Variants in BMPR1A observed in about 807,000 individuals in gnomAD.
The protein encoded by BMPR1A is bone morphogenetic protein receptor type-1A.
Under a neutral mutation model 66.0 loss-of-function variants are expected in BMPR1A, and 7 were observed. The ratio of observed to expected loss-of-function variants is 0.11; its 90% confidence interval spans 0.06 to 0.20. The LOEUF is 0.20. Ranked by LOEUF, BMPR1A falls within the 10% of genes least tolerant of loss-of-function variation. The pLI, the probability that BMPR1A is intolerant of heterozygous loss-of-function variation, is 1.00. For synonymous variants in BMPR1A, 200 were observed against 229.7 expected (o/e 0.87, Z 1.17); for missense variants, 408 against 669.1 (o/e 0.61, Z 4.31).
intron 1 of BMPR1A, among the ~76,000 whole-genome samples, chr10:86,791,369 T>C (rs753846467): frequency 2.0e-5 from 3 of 152,054 alleles, no homozygotes; most frequent in African/African-American, 7.2e-5. Flanking sequence ...CGTGCCACCA[T>C]GCCTGGCTAA....
At chr10:86,764,944 C>T (rs1324361957) in intron 1 of BMPR1A, among the ~76,000 whole-genome samples, 1 of 152,126 alleles carries the variant, frequency 6.6e-6, no homozygotes, top group Non-Finnish European at 1.5e-5. Context: ...CTGATTTTGG[C>T]CGGGCATGGT....
At chr10:86,923,554 A>G (rs200493724) in intron 12 of BMPR1A, 40 bp from the exon 13 acceptor site, 2 of 1,614,204 alleles carry the variant, frequency 1.2e-6, no homozygotes, top group African/African-American at 1.3e-5. Flanking sequence ...AATGCCACCA[A>G]ATATATTCTC....
chr10:86,860,247 A>G (rs193075250), intron 2 of BMPR1A, among the ~76,000 whole-genome samples: 434 of 152,352 alleles, frequency 2.8e-3, no homozygotes, highest in Middle Eastern at 6.8e-3. Flanking sequence ...ATTAAGAAGA[A>G]CTACAAGTAT....
chr10:86,874,501 G>GT (rs1385312515), intron 2 of BMPR1A, among the ~76,000 whole-genome samples: 8 of 151,802 alleles, frequency 5.3e-5, no homozygotes, highest in African/African-American at 1.9e-4. Flanking sequence ...CGCTTACTGG[G>GT]TTCAAGCCAT....
chr10:86,880,013 G>A (rs1842966227), intron 3 of BMPR1A, among the ~76,000 whole-genome samples: 1 of 152,192 alleles, frequency 6.6e-6, no homozygotes, highest in Non-Finnish European at 1.5e-5. Flanking sequence ...ATCTGAGCTG[G>A]AATTAGTGGA....
chr10:86,846,613 A>G (rs1346710882), intron 2 of BMPR1A, among the ~76,000 whole-genome samples: 5 of 152,126 alleles, frequency 3.3e-5, no homozygotes, highest in Non-Finnish European at 7.4e-5. Context: ...AGGCAGGAGA[A>G]TGGCATGAAC....
Position 86,886,589 on chromosome 10 carries a change from T to C in BMPR1A, c.68-3473T>C, listed in dbSNP as rs35134795. 5.8e-3 allele frequency among the ~76,000 whole-genome samples: 890 copies of C among 152,280 alleles called. 5 individuals carry two copies. The highest frequency in any genetic ancestry group is 0.031 in the Middle Eastern group (9 of 294). Reference sequence around the variant, plus strand: ...AGTCAGGAGATGTCTAAGCAGGTCATGGCTAGAGGGGGTACATCCAGGAAC... The same window carrying C: ...AGTCAGGAGATGTCTAAGCAGGTCACGGCTAGAGGGGGTACATCCAGGAAC... On this transcript the variant is annotated intron_variant, in intron 3 of 12. Coordinates refer to ENST00000372037, the MANE Select transcript of BMPR1A (RefSeq NM_004329.3).
chr10:86,879,171 G>A lies in BMPR1A; in HGVS notation c.67+3086G>A, dbSNP rs143730475. Among the ~76,000 whole-genome samples the A allele has an allele frequency of 3.5e-3, 527 of 152,240 alleles. 2 individuals are homozygous for A. Among genetic ancestry groups the A allele is most frequent in the Middle Eastern group, 6.8e-3 (2 of 294 alleles). On this transcript the variant is annotated intron_variant, in intron 3 of 12. Transcript: ENST00000372037. ...TGTGACATCTCTAAATGTCAGGTTA[G>A]CCACAGTGTCACAGTGTGGCTGCTG...
chr10:86,897,893 A>G (rs1347398149), intron 5 of BMPR1A, among the ~76,000 whole-genome samples: 1 of 152,210 alleles, frequency 6.6e-6, no homozygotes, highest in Non-Finnish European at 1.5e-5. Context: ...GGTGTGAGCC[A>G]CTGTTCCCAG....
intron 1 of BMPR1A, among the ~76,000 whole-genome samples, chr10:86,832,696 C>CT (rs1421791276): frequency 1.3e-5 from 2 of 152,138 alleles, no homozygotes; most frequent in Non-Finnish European, 2.9e-5. Flanking sequence ...ACATTGGCTT[C>CT]TTTCATCTAG....
At chr10:86,911,363 A>G (rs1235387297) in intron 7 of BMPR1A, among the ~76,000 whole-genome samples, 6 of 152,160 alleles carry the variant, frequency 3.9e-5, no homozygotes, top group Admixed American at 3.3e-4. Flanking sequence ...ACAATTGTCA[A>G]CATTTGGTAT....
intron 1 of BMPR1A, among the ~76,000 whole-genome samples, chr10:86,808,196 G>A (rs529712632): frequency 6.6e-6 from 1 of 152,172 alleles, no homozygotes; most frequent in South Asian, 2.1e-4. Context: ...TTTTAATCAT[G>A]TTTGTTCATA....
intron 2 of BMPR1A, chr10:86,855,120 A>G: frequency 3.3e-6 from 1 of 305,108 alleles, no homozygotes. Flanking sequence ...TTTAGTAGAG[A>G]CAGGGTTTCA....
chr10:86,787,841 C>T (rs371484192), intron 1 of BMPR1A, among the ~76,000 whole-genome samples: 14 of 151,890 alleles, frequency 9.2e-5, no homozygotes, highest in East Asian at 3.9e-4. Context: ...TTCCAGATCT[C>T]TTGAGAACTC....
chr10:86,909,416 A>C (rs1317762751), intron 7 of BMPR1A, among the ~76,000 whole-genome samples: 1 of 151,936 alleles, frequency 6.6e-6, no homozygotes, highest in African/African-American at 2.4e-5. Context: ...AACTAGCGGA[A>C]CCTTAACTCT....
At chr10:86,911,357 T>C (rs1312686737) in intron 7 of BMPR1A, among the ~76,000 whole-genome samples, 1 of 152,032 alleles carries the variant, frequency 6.6e-6, no homozygotes, top group East Asian at 1.9e-4. Flanking sequence ...TGAAACACAA[T>C]TGTCAACATT....
intron 1 of BMPR1A, among the ~76,000 whole-genome samples, chr10:86,787,571 C>G (rs73346199): frequency 3.9e-5 from 6 of 152,116 alleles, no homozygotes; most frequent in African/African-American, 1.4e-4. Flanking sequence ...ATTAAACTGA[C>G]AGAAGTATGT....
chr10:86,783,725 A>C (rs1841471423), intron 1 of BMPR1A, among the ~76,000 whole-genome samples: 1 of 152,322 alleles, frequency 6.6e-6, no homozygotes, highest in East Asian at 1.9e-4. Context: ...CGTAGCTGGG[A>C]CTACAGGCCT....
chr10:86,916,683 G>A (rs777920794), intron 8 of BMPR1A, among the ~76,000 whole-genome samples: 23 of 152,046 alleles, frequency 1.5e-4, no homozygotes, highest in Non-Finnish European at 2.8e-4. Flanking sequence ...ATTGTACATT[G>A]TTTCATACTT....
Sources: allele counts gnomAD v4.1 joint callset (sites outside exome capture counted in the v4.1 genomes callset), GRCh38; gene constraint gnomAD v4.1.1; transcripts MANE v1.5; gene names NCBI Gene and HGNC (gene_info 2026-07-23, HGNC 2026-07-21).